VRK2: variants seen among roughly 807,000 people sequenced by gnomAD.
The protein encoded by VRK2 is VRK serine/threonine kinase 2.
A neutral mutation model predicts 57.6 loss-of-function variants in VRK2; 60 were observed. The ratio of observed to expected loss-of-function variants is 1.04; its 90% confidence interval spans 0.85 to 1.29. The LOEUF (loss-of-function observed/expected upper bound fraction) is 1.29. Among genes scored for constraint, VRK2 ranks in the 50% most tolerant of loss-of-function variants. The pLI, the probability that VRK2 is intolerant of heterozygous loss-of-function variation, is 0.00. For missense variants in VRK2, 705 were observed against 588.1 expected (o/e 1.20, Z -2.06); for synonymous variants, 231 against 199.2 (o/e 1.16, Z -1.35).
chr2:58,070,719 G>A (rs1476277409), intron 2 of VRK2, among the ~76,000 whole-genome samples: 1 of 152,132 alleles, frequency 6.6e-6, no homozygotes, highest in East Asian at 1.9e-4. Flanking sequence ...GTTGAAGTAT[G>A]TCTGGGGGTG....
chr2:57,997,122 C>T (rs1456722426), intron 1 of VRK2, among the ~76,000 whole-genome samples: 1 of 151,898 alleles, frequency 6.6e-6, no homozygotes, highest in African/African-American at 2.4e-5. Flanking sequence ...GATTTTGAGT[C>T]ATTGATGGAA....
intron 4 of VRK2, among the ~76,000 whole-genome samples, chr2:58,085,930 CT>C (rs59333442): frequency 0.036 from 4,247 of 116,746 alleles, 119 homozygotes; most frequent in African/African-American, 0.091. Flanking sequence ...CTTTTTTTTT[CT>C]TTTTTTTTTT....
intron 4 of VRK2, among the ~76,000 whole-genome samples, chr2:58,085,491 A>G (rs537570456): frequency 3.9e-5 from 6 of 152,064 alleles, no homozygotes; most frequent in Admixed American, 3.9e-4. Flanking sequence ...CTTGAATGGG[A>G]AATGAATATA....
At chr2:58,137,255 T>TATGTATCTGTATCATATATATGATAC (rs1680674834) in intron 10 of VRK2, among the ~76,000 whole-genome samples, 1 of 21,028 alleles carries the variant, frequency 4.8e-5, no homozygotes, top group African/African-American at 8.0e-5. Flanking sequence ...ATATATGATA[T>TATGTATCTGTATCATATATATGATAC]ATATGATATA....
intron 1 of VRK2, among the ~76,000 whole-genome samples, chr2:57,961,256 T>G (rs749180982): frequency 8.6e-5 from 13 of 151,964 alleles, no homozygotes; most frequent in Non-Finnish European, 1.8e-4. Flanking sequence ...AAGAGAAGAG[T>G]GATGCTTCAT....
chr2:58,088,629 G>T (rs1671962174), intron 6 of VRK2, among the ~76,000 whole-genome samples, 183 bp downstream of exon 6: 1 of 152,178 alleles, frequency 6.6e-6, no homozygotes, highest in African/African-American at 2.4e-5. Context: ...GACAGAATGT[G>T]CTGTGTATGG....
In VRK2 at chr2:58,159,174, C is replaced by CT. The variant is rs1158195756; in HGVS notation, c.1183-173dup. ...TTTGCTTGTTGGATGTTTATAAACT[C>CT]TTAAAAAGTGTAAATCTTTAAGATC... On this transcript the variant is annotated intron_variant, in intron 12 of 12. Transcript: ENST00000340157. The CT allele has an allele frequency of 2.6e-4, 136 of 522,152 alleles. No individual in the cohort carries two copies. The East Asian group carries it at 3.7e-3, about 14-fold the overall frequency. The allele number at this position is 522,152 out of a possible 1,614,324, so 32.3% of individuals were successfully genotyped here.
chr2:58,061,320 T>C (rs1405846882), intron 2 of VRK2, among the ~76,000 whole-genome samples: 7 of 151,930 alleles, frequency 4.6e-5, no homozygotes, highest in Non-Finnish European at 2.9e-5. Context: ...TTGGAAGATA[T>C]AATTTGTGGT....
chr2:58,071,334 C>T (rs751603718), intron 2 of VRK2, among the ~76,000 whole-genome samples: 1 of 152,030 alleles, frequency 6.6e-6, no homozygotes, highest in Non-Finnish European at 1.5e-5. Context: ...TCTTTTCTTG[C>T]ATGGATTATG....
At chr2:58,146,607 A>G in intron 12 of VRK2, 133 bp downstream of exon 12, 1 of 1,031,666 alleles carries the variant, frequency 9.7e-7, no homozygotes, top group Non-Finnish European at 1.3e-6. Context: ...GGGACAGAAA[A>G]TATCCTAGCC....
At chr2:58,074,837 A>G (rs1165692562) in intron 2 of VRK2, among the ~76,000 whole-genome samples, 1 of 152,008 alleles carries the variant, frequency 6.6e-6, no homozygotes, top group Non-Finnish European at 1.5e-5. Flanking sequence ...AAGGTGTGGG[A>G]GAATATGAGA....
intron 1 of VRK2, among the ~76,000 whole-genome samples, chr2:57,974,774 G>T (rs1672197673): frequency 1.3e-5 from 2 of 151,768 alleles, no homozygotes; most frequent in South Asian, 4.2e-4. Context: ...GCAGTAAAAA[G>T]AATTAATGAA....
intron 1 of VRK2, among the ~76,000 whole-genome samples, chr2:57,974,917 TA>T (rs1558520938): frequency 6.6e-6 from 1 of 151,744 alleles, no homozygotes; most frequent in Non-Finnish European, 1.5e-5. Context: ...AATTACATAA[TA>T]ATAATGAAAG....
upstream of VRK2, among the ~76,000 whole-genome samples, chr2:58,043,249 A>G (rs1674534283): frequency 6.6e-6 from 1 of 152,154 alleles, no homozygotes; most frequent in Non-Finnish European, 1.5e-5. Context: ...GATTAGTTGA[A>G]TTAGTAGTTC....
intron 1 of VRK2, among the ~76,000 whole-genome samples, chr2:57,950,047 A>G (rs182785007): frequency 1.3e-5 from 2 of 152,368 alleles, no homozygotes; most frequent in East Asian, 3.9e-4. Flanking sequence ...ACCTGAACCT[A>G]GAAAAGGTTA....
chr2:58,004,235 C>G (rs932826117), intron 1 of VRK2, among the ~76,000 whole-genome samples: 6 of 151,928 alleles, frequency 3.9e-5, no homozygotes, highest in African/African-American at 7.2e-5. Context: ...ACCTATGGGA[C>G]TATAATATGC....
intron 7 of VRK2, among the ~76,000 whole-genome samples, chr2:58,108,136 A>G (rs915632114): frequency 6.6e-6 from 1 of 151,636 alleles, no homozygotes; most frequent in Non-Finnish European, 1.5e-5. Context: ...TTCTTACCAA[A>G]TCTCTCCTTC....
Position 58,147,064 on chromosome 2 carries a change from T to G in VRK2, c.1182+590T>G, listed in dbSNP as rs371178712. The stretch of plus-strand genomic sequence containing the variant: ...AACATTTTATATGATTTATACACCA[T>G]CATTTCCCCCAAATGATTTGAGGTA... On this transcript the variant is annotated intron_variant, in intron 12 of 12. Transcript: ENST00000340157. The G allele has an allele frequency of 2.4e-5, 11 of 466,132 alleles. No homozygotes were observed. In the East Asian group the frequency reaches 5.6e-4, roughly 24 times the overall value. The allele number at this position is 466,132 out of a possible 1,614,324, so 28.9% of individuals were successfully genotyped here.
At chr2:57,936,654 A>G (rs2103945792) in intron 1 of VRK2, among the ~76,000 whole-genome samples, 1 of 151,958 alleles carries the variant, frequency 6.6e-6, no homozygotes, top group South Asian at 2.1e-4. Context: ...TGATAAATAA[A>G]TATTTCCTGT....
Sources: allele counts gnomAD v4.1 joint callset (sites outside exome capture counted in the v4.1 genomes callset), GRCh38; gene constraint gnomAD v4.1.1; transcripts MANE v1.5; gene names NCBI Gene and HGNC (gene_info 2026-07-23, HGNC 2026-07-21).